Variants in TRPM8 observed in about 807,000 individuals in gnomAD.
TRPM8 encodes TRPM8 cationic channel.
A neutral mutation model predicts 133.7 loss-of-function variants in TRPM8; 110 were observed. That is an observed-to-expected ratio of 0.82 (90% CI 0.70 to 0.96). The LOEUF (loss-of-function observed/expected upper bound fraction) is 0.96. TRPM8 is among the 40% of genes least tolerant of loss of function. TRPM8 has a pLI of 0.00. For missense variants in TRPM8, 1,291 were observed against 1,379.5 expected (o/e 0.94, Z 1.02); for synonymous variants, 535 against 532.3 (o/e 1.01, Z -0.07).
chr2:233,918,432 T>C (rs1021680985), intron 1 of TRPM8, among the ~76,000 whole-genome samples: 5 of 152,008 alleles, frequency 3.3e-5, no homozygotes, highest in Non-Finnish European at 5.9e-5. Context: ...CTGATATCAT[T>C]CTTGGCACCT....
chr2:233,964,334 CT>C (rs1297165721), intron 13 of TRPM8, among the ~76,000 whole-genome samples: 1 of 151,836 alleles, frequency 6.6e-6, no homozygotes, highest in Non-Finnish European at 1.5e-5. Context: ...GGTGGATCAC[CT>C]GAGGTCAGGA....
At position 233,939,163 on chromosome 2, in the gene TRPM8, G is replaced by C; in HGVS notation, c.514G>C (p.Ala172Pro). ...RKIFSRLIYIAQSKGAWILTG... is the reference protein window; with the variant it reads ...RKIFSRLIYIPQSKGAWILTG... The stretch of plus-strand genomic sequence containing the variant: ...GATCTTCAGCCGGCTCATCTACATC[G>C]CGCAGTCCAAAGGTGAGGGTGGGAG... Residue 172 changes from alanine to proline, a missense_variant, in exon 5 of 26, where the codon GCG becomes CCG. Ala to Pro is a conservative substitution (Grantham distance 27, BLOSUM62 -1). Transcript: ENST00000324695. The C allele has an allele frequency of 6.2e-7, 1 of 1,614,022 alleles. No homozygotes were observed. The highest frequency in any genetic ancestry group is 8.5e-7 in the Non-Finnish European group (1 of 1,180,038).
chr2:233,983,455 T>G (rs1230964346), intron 20 of TRPM8: 2 of 529,642 alleles, frequency 3.8e-6, no homozygotes, highest in Non-Finnish European at 7.1e-6. Context: ...TTTTTAAAAA[T>G]AGTGATTCTG....
chr2:233,973,245 G>A (rs575304831), intron 17 of TRPM8, among the ~76,000 whole-genome samples: 18 of 152,346 alleles, frequency 1.2e-4, no homozygotes, highest in Non-Finnish European at 1.5e-4. Context: ...CTGCCAAGAT[G>A]AAGCACCATA....
In TRPM8 at chr2:233,942,627, G is replaced by T; in HGVS notation, c.578G>T (p.Gly193Val). The change falls in exon 6 of 26, where the codon GGG becomes GTG. Residue 193 changes from glycine to valine, a missense_variant. By Grantham distance (109) the Gly-to-Val change is moderately radical. This residue lies in a region of TRPM8 where 963 missense variants were observed against 968.9 expected (regional missense o/e 0.99). Coordinates refer to ENST00000324695, the MANE Select transcript of TRPM8 (RefSeq NM_024080.5). ...CATTATGGCCTGATGAAGTACATCG[G>T]GGAGGTGGTGAGAGATAACACCATC... ...GTHYGLMKYIGEVVRDNTISR... is the reference protein window; with the variant it reads ...GTHYGLMKYIVEVVRDNTISR... 1 of 1,614,222 alleles carries T rather than the reference G, an allele frequency of 6.2e-7. No individual in the cohort carries two copies. Among genetic ancestry groups the T allele is most frequent in the Non-Finnish European group, 8.5e-7 (1 of 1,180,044 alleles).
At chr2:233,979,812 G>T (rs908751619) in intron 17 of TRPM8, among the ~76,000 whole-genome samples, 1 of 152,176 alleles carries the variant, frequency 6.6e-6, no homozygotes, top group Non-Finnish European at 1.5e-5. Flanking sequence ...ACAACAATAT[G>T]AGTAATACCC....
At chr2:233,975,295 T>TGG (rs1691840401) in intron 17 of TRPM8, among the ~76,000 whole-genome samples, 1 of 152,206 alleles carries the variant, frequency 6.6e-6, no homozygotes, top group Non-Finnish European at 1.5e-5. Flanking sequence ...AAGGGCTGTG[T>TGG]GCCCTGGAGT....
intron 1 of TRPM8, among the ~76,000 whole-genome samples, chr2:233,922,779 T>C (rs1691435445): frequency 6.6e-6 from 1 of 152,226 alleles, no homozygotes; most frequent in Admixed American, 6.5e-5. Flanking sequence ...TCTTCTAGTT[T>C]ATAGTGTTGA....
At chr2:233,969,859 C>A in intron 16 of TRPM8, 52 bp downstream of exon 16, 1 of 1,060,366 alleles carries the variant, frequency 9.4e-7, no homozygotes, top group Non-Finnish European at 1.5e-6. Context: ...AGTGTGTGTA[C>A]ATGCATCCAC....
chr2:233,989,106 A>G lies in TRPM8; in HGVS notation c.2939+3241A>G, dbSNP rs1046422227. Reference sequence around the variant, plus strand: ...GGTAAATCTCAACGAGGCACATGGTAAAATATTTAGAGCTTTTTTGAATCT... The same window carrying G: ...GGTAAATCTCAACGAGGCACATGGTGAAATATTTAGAGCTTTTTTGAATCT... On this transcript the variant is annotated intron_variant, in intron 21 of 25. Coordinates refer to ENST00000324695, the MANE Select transcript of TRPM8 (RefSeq NM_024080.5). The surrounding 1 kb of genome is among the most constrained non-coding windows in gnomAD (Gnocchi z 4.2). 2.0e-5 allele frequency among the ~76,000 whole-genome samples: 3 copies of G among 152,188 alleles called. No homozygotes were observed. Among genetic ancestry groups the G allele is most frequent in the African/African-American group, 7.2e-5 (3 of 41,458 alleles).
intron 17 of TRPM8, among the ~76,000 whole-genome samples, chr2:233,971,251 AAG>A (rs1691706839): frequency 6.6e-6 from 1 of 152,218 alleles, no homozygotes. Context: ...GGAGGGGGCA[AAG>A]AGTGCTGTTC....
At chr2:234,006,165 G>A (rs989594586) in intron 22 of TRPM8, among the ~76,000 whole-genome samples, 1 of 152,116 alleles carries the variant, frequency 6.6e-6, no homozygotes, top group African/African-American at 2.4e-5. Context: ...GTGCTCTCTT[G>A]TCCCCGTGAA....
At chr2:233,971,640 G>A (rs578094222) in intron 17 of TRPM8, among the ~76,000 whole-genome samples, 8 of 151,914 alleles carry the variant, frequency 5.3e-5, no homozygotes, top group South Asian at 2.1e-4. Flanking sequence ...AAGGTGGTGC[G>A]TCTGGAGTTT....
At chr2:233,968,772 G>C (rs1691637088) in intron 15 of TRPM8, among the ~76,000 whole-genome samples, 1 of 152,004 alleles carries the variant, frequency 6.6e-6, no homozygotes. Flanking sequence ...TCGAGTCTAT[G>C]CTCCCCTGCT....
chr2:233,969,190 C>G (rs1027684187), intron 15 of TRPM8, among the ~76,000 whole-genome samples: 1 of 151,918 alleles, frequency 6.6e-6, no homozygotes, highest in African/African-American at 2.4e-5. Context: ...AAAATAAAAC[C>G]AAGTTTGGCC....
intron 17 of TRPM8, among the ~76,000 whole-genome samples, chr2:233,972,561 T>C (rs1691754793): frequency 6.6e-6 from 1 of 152,148 alleles, no homozygotes; most frequent in Non-Finnish European, 1.5e-5. Context: ...AGGAGCCCAC[T>C]GAGGGGGTGG....
At chr2:233,947,754 G>GT (rs946551134) in intron 8 of TRPM8, among the ~76,000 whole-genome samples, 6 of 152,190 alleles carry the variant, frequency 3.9e-5, no homozygotes, top group South Asian at 4.1e-4. Context: ...TCTGTTTGAC[G>GT]TTTTTTTGTT....
chr2:234,017,465 A>G lies in TRPM8; in HGVS notation c.*209A>G. On this transcript the variant is annotated 3_prime_UTR_variant, in exon 26 of 26. Coordinates refer to ENST00000324695, the MANE Select transcript of TRPM8 (RefSeq NM_024080.5). ...ACTTGAAGACGGATATAAAGGAAGA[A>G]TATTTCCTTTATGTGTTTCTCCAGA... 2.3e-6 allele frequency: 1 copy of G among 438,636 alleles called. No individual in the cohort carries two copies. Among genetic ancestry groups the G allele is most frequent in the South Asian group, 1.7e-5 (1 of 60,050 alleles). The allele number at this position is 438,636 out of a possible 1,614,324, so 27.2% of individuals were successfully genotyped here. A position where few individuals can be genotyped will look rare whatever the true frequency, so the allele number is the denominator to read the frequency against.
chr2:233,943,491 T>C (rs552794785), intron 6 of TRPM8, among the ~76,000 whole-genome samples: 1 of 152,330 alleles, frequency 6.6e-6, no homozygotes, highest in South Asian at 2.1e-4. Context: ...CACTGCATGT[T>C]CTCACTCATA....
Sources: allele counts gnomAD v4.1 joint callset (sites outside exome capture counted in the v4.1 genomes callset), GRCh38; gene constraint gnomAD v4.1.1; regional missense constraint gnomAD v4.1.1; non-coding constraint Gnocchi (gnomAD v3.1); transcripts MANE v1.5; gene names NCBI Gene and HGNC (gene_info 2026-07-23, HGNC 2026-07-21).